ZNF589: variants seen among roughly 807,000 people sequenced by gnomAD.
The protein encoded by ZNF589 is zinc finger protein 589.
In ZNF589, 17 loss-of-function variants were observed where a neutral mutation model predicts 13.6. That is an observed-to-expected ratio of 1.25 (90% confidence interval 0.86 to 1.88). The LOEUF is 1.88. ZNF589 is among the 40% of genes most tolerant of loss of function. The probability of loss-of-function intolerance (pLI) is 0.00; values close to 1 mark genes in which losing one functional copy is unlikely to be tolerated. For synonymous variants in ZNF589, 148 were observed against 161.6 expected (o/e 0.92, Z 0.64); for missense variants, 407 against 434.0 (o/e 0.94, Z 0.55).
intron 2 of ZNF589, among the ~76,000 whole-genome samples, chr3:48,257,319 G>T (rs2033914671): frequency 6.6e-6 from 1 of 152,008 alleles, no homozygotes; most frequent in South Asian, 2.1e-4. Context: ...GAGTGCAGTG[G>T]CATGATCTTG....
rs773777281 is a variant in ZNF589 at position 48,260,908 on chromosome 3, G to A, written c.192G>A (p.Met64Ile). 24 of 1,614,032 alleles carry A rather than the reference G, an allele frequency of 1.5e-5. No individual in the cohort carries two copies. Among genetic ancestry groups the A allele is most frequent in the African/African-American group, 2.7e-5 (2 of 74,926 alleles). Residue 64 changes from methionine (M) to isoleucine (I), a missense_variant, in exon 3 of 4, where the codon ATG (methionine) becomes ATA (isoleucine). Met to Ile is a conservative substitution (Grantham distance 10). Transcript: ENST00000354698. ...AGAGGAACCTATACAAAGAAGTGAT[G>A]CTGGAAAATCTCAGGAATCTGGTCT... ...LEQRNLYKEV[M>I]LENLRNLVSL...
chr3:48,265,163 G>A (rs752664805), intron 3 of ZNF589, among the ~76,000 whole-genome samples: 40 of 151,176 alleles, frequency 2.6e-4, no homozygotes, highest in Non-Finnish European at 4.7e-4. Flanking sequence ...GTAGAGATGA[G>A]GTTTCGCCAT....
In ZNF589 at chr3:48,268,282, T is replaced by A. The variant is rs1186043067; in HGVS notation, c.591T>A (p.Ser197=). ...TCAGTCCAGCCCAGAATGCAAGCTC[T>A]GAGGAAGTAGACAGAATTTCCAAGA... ...IQLSPAQNAS[S]EEVDRISKRA... The change falls in exon 4 of 4, where the codon TCT becomes TCA. Residue 197 remains serine, a synonymous_variant. Coordinates refer to ENST00000354698, the MANE Select transcript of ZNF589 (RefSeq NM_016089.3). 1 of 1,612,464 alleles carries A rather than the reference T, an allele frequency of 6.2e-7. No individual in the cohort carries two copies.
intron 2 of ZNF589, among the ~76,000 whole-genome samples, chr3:48,248,967 G>T (rs758425596): frequency 4.6e-5 from 7 of 152,198 alleles, no homozygotes; most frequent in Non-Finnish European, 8.8e-5. Flanking sequence ...AGTCTCTAGG[G>T]CAGCTTCCAG....
chr3:48,256,226 C>T (rs1317244314), intron 2 of ZNF589: 2 of 342,536 alleles, frequency 5.8e-6, no homozygotes, highest in Non-Finnish European at 1.1e-5. Flanking sequence ...CCATACATGT[C>T]AGAGGGGCCA....
intron 1 of ZNF589, among the ~76,000 whole-genome samples, chr3:48,246,902 T>C (rs2033773267): frequency 6.6e-6 from 1 of 151,218 alleles, no homozygotes; most frequent in Non-Finnish European, 1.5e-5. Context: ...TCTCCTGACC[T>C]TGTGATCGGC....
At chr3:48,242,509 G>A (rs1474846229) in intron 1 of ZNF589, among the ~76,000 whole-genome samples, 1 of 151,432 alleles carries the variant, frequency 6.6e-6, no homozygotes. Flanking sequence ...TCCCTATGTT[G>A]CCCAGGCTGG....
chr3:48,264,632 C>T (rs182275345), intron 3 of ZNF589, among the ~76,000 whole-genome samples: 1 of 151,884 alleles, frequency 6.6e-6, no homozygotes, highest in Non-Finnish European at 1.5e-5. Flanking sequence ...AGTTCGAGAC[C>T]AGCCTGGGCA....
chr3:48,254,794 CAT>C (rs1295982220), intron 2 of ZNF589, among the ~76,000 whole-genome samples: 2 of 151,308 alleles, frequency 1.3e-5, no homozygotes, highest in Admixed American at 1.3e-4. Context: ...AAGCAGTTGA[CAT>C]ATAGGAAAGC....
rs2034068922 is a variant in ZNF589 at position 48,269,699 on chromosome 3, G to T, written c.*913G>T. ...ACACTCGGGGAAAAGCTTTAGAGGTGCAAGGAGTGAGGATGTGATTTTAGC... is the reference window on the plus strand; with the variant it reads ...ACACTCGGGGAAAAGCTTTAGAGGTTCAAGGAGTGAGGATGTGATTTTAGC... On this transcript the variant is annotated 3_prime_UTR_variant, in exon 4 of 4. Transcript: ENST00000354698. 1 of 340,670 alleles carries T rather than the reference G, an allele frequency of 2.9e-6. No individual in the cohort carries two copies. Among genetic ancestry groups the T allele is most frequent in the Non-Finnish European group, 5.8e-6 (1 of 173,802 alleles). 21.1% of individuals were successfully genotyped at this position (340,670 alleles called of 1,614,324 possible).
intron 3 of ZNF589, among the ~76,000 whole-genome samples, chr3:48,263,156 C>G (rs1349966703): frequency 6.6e-6 from 1 of 151,752 alleles, no homozygotes; most frequent in East Asian, 1.9e-4. Context: ...GTTGCCCAGG[C>G]TGGAGTGCAA....
intron 2 of ZNF589, among the ~76,000 whole-genome samples, chr3:48,257,205 T>C (rs1559981752): frequency 6.6e-6 from 1 of 152,306 alleles, no homozygotes; most frequent in African/African-American, 2.4e-5. Flanking sequence ...CTTTGTGTTC[T>C]GGAAGAGATG....
chr3:48,261,722 G>A (rs762396132), intron 3 of ZNF589, among the ~76,000 whole-genome samples: 2 of 152,112 alleles, frequency 1.3e-5, no homozygotes, highest in African/African-American at 2.4e-5. Flanking sequence ...TCTTCATCTG[G>A]CATAGCTATG....
chr3:48,245,436 A>AAC (rs1407720213), intron 1 of ZNF589, among the ~76,000 whole-genome samples: 1 of 152,038 alleles, frequency 6.6e-6, no homozygotes, highest in Admixed American at 6.6e-5. Context: ...GTATCTTATA[A>AAC]ACACATATGC....
At chr3:48,250,168 C>CTAAA (rs1471007453) in intron 2 of ZNF589, among the ~76,000 whole-genome samples, 3 of 151,828 alleles carry the variant, frequency 2.0e-5, no homozygotes, top group Non-Finnish European at 2.9e-5. Flanking sequence ...TAACTCTAAG[C>CTAAA]TTCCTACTTT....
At chr3:48,254,977 T>A (rs1028762279) in intron 2 of ZNF589, among the ~76,000 whole-genome samples, 1 of 152,122 alleles carries the variant, frequency 6.6e-6, no homozygotes, top group African/African-American at 2.4e-5. Context: ...CTTTTTCTTG[T>A]CTCATTGCAA....
At chr3:48,249,399 G>A (rs1054225654) in intron 2 of ZNF589, among the ~76,000 whole-genome samples, 17 of 152,106 alleles carry the variant, frequency 1.1e-4, no homozygotes, top group African/African-American at 3.6e-4. Flanking sequence ...CACTGCGCCC[G>A]GCCCATCTTA....
intron 2 of ZNF589, among the ~76,000 whole-genome samples, chr3:48,259,148 G>T (rs1395689767): frequency 6.6e-6 from 1 of 152,178 alleles, no homozygotes; most frequent in African/African-American, 2.4e-5. Flanking sequence ...CTGGGTCCTG[G>T]CCTGCTGTCT....
At chr3:48,241,704 T>C (rs2033700724) in intron 1 of ZNF589, among the ~76,000 whole-genome samples, 1 of 152,040 alleles carries the variant, frequency 6.6e-6, no homozygotes, top group African/African-American at 2.4e-5. Context: ...CTAATTTTTG[T>C]ATTTTTAGTA....
Sources: allele counts gnomAD v4.1 joint callset (sites outside exome capture counted in the v4.1 genomes callset), GRCh38; gene constraint gnomAD v4.1.1; transcripts MANE v1.5; gene names NCBI Gene and HGNC (gene_info 2026-07-23, HGNC 2026-07-21).